ADGRL3: variants seen among roughly 807,000 people sequenced by gnomAD.
ADGRL3 encodes calcium-independent alpha-latrotoxin receptor 3.
Under a neutral mutation model 153.5 loss-of-function variants are expected in ADGRL3, and 62 were observed. The observed-to-expected ratio is 0.40, with a 90% confidence interval of 0.33 to 0.50. The LOEUF is 0.50. ADGRL3 is among the 20% of genes least tolerant of loss of function. The pLI is 0.47. For missense variants in ADGRL3, 1,641 were observed against 1,859.4 expected (o/e 0.88, Z 2.16); for synonymous variants, 710 against 672.5 (o/e 1.06, Z -0.86).
At chr4:61,601,068 A>G (rs2099009580) in intron 5 of ADGRL3, among the ~76,000 whole-genome samples, 2 of 152,052 alleles carry the variant, frequency 1.3e-5, no homozygotes, top group African/African-American at 4.8e-5. Flanking sequence ...TATAGTATGG[A>G]TAGTATCTTT....
At chr4:61,777,389 C>A (rs945854758) in intron 8 of ADGRL3, among the ~76,000 whole-genome samples, 2 of 151,944 alleles carry the variant, frequency 1.3e-5, no homozygotes, top group African/African-American at 2.4e-5. Flanking sequence ...TCACTATATA[C>A]CTTTTTATTT....
intron 9 of ADGRL3, among the ~76,000 whole-genome samples, chr4:61,884,917 G>A (rs1404164057): frequency 6.6e-6 from 1 of 151,128 alleles, no homozygotes; most frequent in Non-Finnish European, 1.5e-5. Context: ...GAGCCACCGC[G>A]CCCGGCCAAG....
At chr4:61,774,357 CAA>C (rs372436258) in intron 8 of ADGRL3, among the ~76,000 whole-genome samples, 6 of 60,132 alleles carry the variant, frequency 1.0e-4, no homozygotes, top group Admixed American at 3.7e-4. Context: ...AACTCTGTCT[CAA>C]AAAAAAAAAA....
intron 1 of ADGRL3, among the ~76,000 whole-genome samples, chr4:61,296,950 A>G (rs541649201): frequency 2.0e-5 from 3 of 152,322 alleles, no homozygotes; most frequent in African/African-American, 7.2e-5. Context: ...TCATATTGAT[A>G]CTATTTGAAA....
chr4:61,940,038 T>C (rs1044017297), intron 15 of ADGRL3, among the ~76,000 whole-genome samples: 2 of 139,604 alleles, frequency 1.4e-5, no homozygotes, highest in African/African-American at 2.7e-5. Context: ...CACTAATGTG[T>C]CATCTAGCAT....
chr4:61,579,355 A>AT (rs566325383), intron 4 of ADGRL3, among the ~76,000 whole-genome samples: 9 of 152,020 alleles, frequency 5.9e-5, no homozygotes, highest in Admixed American at 1.3e-4. Flanking sequence ...GCCAGTTTGG[A>AT]TTTTTTGACA....
Position 62,073,512 on chromosome 4 carries a change from T to C in ADGRL3, c.*2604T>C, listed in dbSNP as rs1746286920. ...AAACACAAATGTGGTCTGTGGATTATGAGCACTTATGCTTGTTTTGTCAAA... is the reference window on the plus strand; with the variant it reads ...AAACACAAATGTGGTCTGTGGATTACGAGCACTTATGCTTGTTTTGTCAAA... On this transcript the variant is annotated 3_prime_UTR_variant, in exon 27 of 27. Transcript: ENST00000683033. 6.6e-6 allele frequency: 1 copy of C among 152,156 alleles called. No individual in the cohort carries two copies. Among genetic ancestry groups the C allele is most frequent in the South Asian group, 2.1e-4 (1 of 4,836 alleles). The allele number at this position is 152,156 out of a possible 1,614,324, so 9.4% of individuals were successfully genotyped here. A position where few individuals can be genotyped will look rare whatever the true frequency, so the allele number is the denominator to read the frequency against.
In ADGRL3 at chr4:61,654,211, T is replaced by A. The variant is rs1470776547; in HGVS notation, c.474-22615T>A. ...AGAAATTTGAAACTTCCAACAAATA[T>A]TTTGGTTTTTGTAATATCTCTGATA... On this transcript the variant is annotated intron_variant, in intron 5 of 26. Coordinates refer to ENST00000683033, the MANE Select transcript of ADGRL3 (RefSeq NM_001387552.1). 3.9e-5 allele frequency among the ~76,000 whole-genome samples: 6 copies of A among 152,164 alleles called. No individual in the cohort carries two copies. The East Asian group carries it at 1.2e-3, about 29-fold the overall frequency.
intron 5 of ADGRL3, among the ~76,000 whole-genome samples, chr4:61,642,956 T>C (rs1252205343): frequency 1.3e-5 from 2 of 152,234 alleles, no homozygotes; most frequent in Non-Finnish European, 2.9e-5. Flanking sequence ...TATCCTCTTT[T>C]ATTTCCTTGA....
At chr4:61,753,861 G>A (rs1034419914) in intron 8 of ADGRL3, among the ~76,000 whole-genome samples, 1 of 152,112 alleles carries the variant, frequency 6.6e-6, no homozygotes, top group African/African-American at 2.4e-5. Flanking sequence ...TTGCTTCCCT[G>A]GAACTTATGA....
intron 8 of ADGRL3, among the ~76,000 whole-genome samples, chr4:61,765,350 A>C (rs1037663156): frequency 2.6e-4 from 39 of 152,138 alleles, no homozygotes; most frequent in Non-Finnish European, 5.4e-4. Flanking sequence ...CAGGAGCTTA[A>C]ATGGGCTGTA....
chr4:61,532,545 C>CGTGTGTGTGTGT (rs1470514639), intron 4 of ADGRL3, among the ~76,000 whole-genome samples: 10 of 77,340 alleles, frequency 1.3e-4, no homozygotes, highest in African/African-American at 4.4e-4. Context: ...CGCGCGCGCG[C>CGTGTGTGTGTGT]GCGCGCGCGC....
intron 2 of ADGRL3, among the ~76,000 whole-genome samples, chr4:61,482,588 A>C (rs1472113778): frequency 4.6e-5 from 7 of 152,178 alleles, no homozygotes; most frequent in African/African-American, 1.4e-4. Context: ...CTGAAACATC[A>C]ATGTATTTTT....
chr4:61,711,089 T>C (rs747989166), intron 6 of ADGRL3, among the ~76,000 whole-genome samples: 2 of 152,006 alleles, frequency 1.3e-5, no homozygotes, highest in African/African-American at 2.4e-5. Context: ...TTACCAAGAG[T>C]TGGACATTGT....
rs116342896 is a variant in ADGRL3 at position 61,316,097 on chromosome 4, T to A, written c.-239-67027T>A. ...TATTAAGTAAAATAATTCCAGATAG[T>A]GTTGAATATAATTAAAATAGCACAG... On this transcript the variant is annotated intron_variant, in intron 1 of 26. Coordinates refer to ENST00000683033, the MANE Select transcript of ADGRL3 (RefSeq NM_001387552.1). Among the ~76,000 whole-genome samples, 366 of 152,124 alleles carry A rather than the reference T, an allele frequency of 2.4e-3. 5 individuals are homozygous for A. Among genetic ancestry groups the A allele is most frequent in the African/African-American group, 8.5e-3 (351 of 41,492 alleles).
At chr4:61,757,814 T>G (rs190198768) in intron 8 of ADGRL3, among the ~76,000 whole-genome samples, 30 of 152,320 alleles carry the variant, frequency 2.0e-4, no homozygotes, top group African/African-American at 7.0e-4. Flanking sequence ...GATTCTGGTA[T>G]GTTGTGTCTT....
chr4:61,226,598 C>A (rs185692989), intron 1 of ADGRL3, among the ~76,000 whole-genome samples: 1 of 152,102 alleles, frequency 6.6e-6, no homozygotes, highest in Non-Finnish European at 1.5e-5. Flanking sequence ...CAAAGGTCAG[C>A]AATCTCTGAA....
At chr4:61,267,909 G>A (rs936392608) in intron 1 of ADGRL3, among the ~76,000 whole-genome samples, 6 of 151,606 alleles carry the variant, frequency 4.0e-5, no homozygotes, top group Non-Finnish European at 8.9e-5. Context: ...ACAAAGTGAT[G>A]TTGAAAATAC....
At chr4:61,472,131 A>G (rs919988933) in intron 2 of ADGRL3, among the ~76,000 whole-genome samples, 1 of 152,102 alleles carries the variant, frequency 6.6e-6, no homozygotes, top group Non-Finnish European at 1.5e-5. Context: ...TAATAGGAAA[A>G]CATGGTTCAT....
Sources: allele counts gnomAD v4.1 joint callset (sites outside exome capture counted in the v4.1 genomes callset), GRCh38; gene constraint gnomAD v4.1.1; transcripts MANE v1.5; gene names NCBI Gene and HGNC (gene_info 2026-07-23, HGNC 2026-07-21).